The following DPPA2 variants were observed in gnomAD, a reference collection of about 807,000 sequenced individuals.
The protein encoded by DPPA2 is developmental pluripotency-associated protein 2.
DPPA2 carries 26 observed loss-of-function variants against 36.2 expected under a neutral mutation model. The observed-to-expected ratio is 0.72, with a 90% confidence interval of 0.53 to 1.00. DPPA2 has a LOEUF of 1.00. Ranked by LOEUF, DPPA2 falls within the 50% of genes least tolerant of loss-of-function variation. The pLI, the probability that DPPA2 is intolerant of heterozygous loss-of-function variation, is 0.00. For synonymous variants in DPPA2, 113 were observed against 123.2 expected, an observed-to-expected ratio of 0.92 and a Z score of 0.55; for missense variants, 361 against 365.1, an observed-to-expected ratio of 0.99 and a Z score of 0.09.
intron 8 of DPPA2, among the ~76,000 whole-genome samples, chr3:109,296,150 T>C (rs1169608791): frequency 6.6e-6 from 1 of 151,996 alleles, no homozygotes; most frequent in African/African-American, 2.4e-5. Context: ...CCAAAATTAA[T>C]GACATACAAA....
chr3:109,307,253 G>A (rs1036761270), intron 6 of DPPA2, among the ~76,000 whole-genome samples: 1 of 151,962 alleles, frequency 6.6e-6, no homozygotes, highest in African/African-American at 2.4e-5. Flanking sequence ...ACAGGCATGA[G>A]CCACCAAGCT....
intron 5 of DPPA2, 132 bp downstream of exon 5, chr3:109,308,894 C>A: frequency 8.8e-7 from 1 of 1,139,006 alleles, no homozygotes; most frequent in East Asian, 2.4e-5. Context: ...TTATTTGTTC[C>A]GAAATATCAA....
chr3:109,300,737 GTTT>G (rs1707442916), intron 7 of DPPA2, among the ~76,000 whole-genome samples: 1 of 73,532 alleles, frequency 1.4e-5, no homozygotes. Flanking sequence ...CCGGATAATT[GTTT>G]GAGTATGGGA....
In DPPA2 at chr3:109,311,119, T is replaced by A. The variant is rs577564842; in HGVS notation, c.181+1426A>T. Among the ~76,000 whole-genome samples, 43 of 152,280 alleles carry A rather than the reference T, an allele frequency of 2.8e-4. 2 individuals carry two copies. In the South Asian group the frequency reaches 8.9e-3, roughly 32 times the overall value. On this transcript the variant is annotated intron_variant, in intron 3 of 8. Transcript: ENST00000478945. ...GTCCGGCCTCAAACCTATGTTTGGATTCTAAAATCCACGTTTCTTTTATGC... is the reference window on the plus strand; with the variant it reads ...GTCCGGCCTCAAACCTATGTTTGGAATCTAAAATCCACGTTTCTTTTATGC...
chr3:109,307,919 TA>T, intron 6 of DPPA2, 112 bp downstream of exon 6: 1 of 1,355,426 alleles, frequency 7.4e-7, no homozygotes, highest in Non-Finnish European at 9.9e-7. Flanking sequence ...ATCCAATTTC[TA>T]ATCTTCAGAT....
chr3:109,312,725 T>C, intron 2 of DPPA2, 33 bp from the exon 3 acceptor site: 3 of 1,611,108 alleles, frequency 1.9e-6, no homozygotes, highest in Non-Finnish European at 1.7e-6. Flanking sequence ...GATTTTCATT[T>C]GATGCGGTAC....
intron 8 of DPPA2, among the ~76,000 whole-genome samples, chr3:109,298,321 C>A (rs949606759): frequency 1.3e-5 from 2 of 152,084 alleles, no homozygotes; most frequent in Non-Finnish European, 2.9e-5. Context: ...GAGGCTCACA[C>A]CTGTAATCCC....
intron 7 of DPPA2, among the ~76,000 whole-genome samples, chr3:109,302,313 C>T (rs777520448): frequency 2.0e-5 from 3 of 152,210 alleles, no homozygotes; most frequent in Admixed American, 6.5e-5. Flanking sequence ...ACTTCTAAGA[C>T]AGCATCTTGC....
intron 2 of DPPA2, 105 bp from the exon 3 acceptor site, chr3:109,312,797 G>A: frequency 1.5e-6 from 2 of 1,342,356 alleles, no homozygotes; most frequent in South Asian, 1.5e-5. Flanking sequence ...ACAGTAGGTG[G>A]ATGGAGAAAA....
chr3:109,313,132 C>A (rs1433768835), intron 2 of DPPA2, among the ~76,000 whole-genome samples: 1 of 152,190 alleles, frequency 6.6e-6, no homozygotes, highest in Non-Finnish European at 1.5e-5. Flanking sequence ...TCCCCAAATC[C>A]ACTGTAACTC....
At chr3:109,300,544 G>C in intron 7 of DPPA2, 109 bp from the exon 8 acceptor site, 1 of 1,074,908 alleles carries the variant, frequency 9.3e-7, no homozygotes, top group Non-Finnish European at 1.4e-6. Flanking sequence ...CTTCTGGGCC[G>C]GGTGTGGTGG....
At chr3:109,299,681 C>T (rs374698576) in intron 8 of DPPA2, among the ~76,000 whole-genome samples, 8 of 135,698 alleles carry the variant, frequency 5.9e-5, no homozygotes, top group South Asian at 2.3e-4. Flanking sequence ...AATGAGACCC[C>T]GTCTCAAAAA....
rs774217685 is a variant in DPPA2, at chr3:109,309,312, T to C, written c.200A>G (p.Asn67Ser). The change falls in exon 4 of 9, where the codon AAT becomes AGT. Residue 67 changes from asparagine (N) to serine (S), a missense_variant. Asn to Ser is a conservative substitution (Grantham distance 46). Coordinates refer to ENST00000478945, the MANE Select transcript of DPPA2 (RefSeq NM_138815.4). ...KYNPGHLLQT[N>S]EQFTAPQKAR... ...TTTTTGTGGAGCTGTAAATTGCTCA[T>C]TTGTTTGAAGTAGATGACCTAAGAC... The C allele has an allele frequency of 9.9e-6, 16 of 1,613,976 alleles. No individual in the cohort carries two copies. The highest frequency in any genetic ancestry group is 1.3e-5 in the Non-Finnish European group (15 of 1,179,968).
chr3:109,299,387 G>A (rs1004859626), intron 8 of DPPA2, among the ~76,000 whole-genome samples: 1 of 152,018 alleles, frequency 6.6e-6, no homozygotes. Flanking sequence ...GCACATGCCT[G>A]TAATCCCAGC....
intron 5 of DPPA2, 22 bp downstream of exon 5, chr3:109,309,004 C>T (rs760349846): frequency 6.2e-7 from 1 of 1,614,090 alleles, no homozygotes; most frequent in East Asian, 2.2e-5. Context: ...ACCTTCACAC[C>T]ATCAACACAC....
intron 8 of DPPA2, among the ~76,000 whole-genome samples, chr3:109,294,787 A>G (rs4855718): frequency 0.96 from 146,659 of 152,304 alleles, 70,805 homozygotes; most frequent in East Asian, 1. Context: ...ACTTTGGGAA[A>G]CCGAGGTGGG....
At chr3:109,313,993 C>A (rs1707750487) in intron 2 of DPPA2, among the ~76,000 whole-genome samples, 2 of 152,124 alleles carry the variant, frequency 1.3e-5, no homozygotes, top group African/African-American at 4.8e-5. Flanking sequence ...CAGGACTACC[C>A]AAGCCTAATC....
At chr3:109,307,980 A>G in intron 6 of DPPA2, 52 bp downstream of exon 6, 1 of 1,574,392 alleles carries the variant, frequency 6.4e-7, no homozygotes, top group East Asian at 2.3e-5. Flanking sequence ...TGGACTAATA[A>G]AAGTTAACCT....
At chr3:109,304,450 G>T (rs757239140) in intron 7 of DPPA2, 25 bp downstream of exon 7, 1 of 1,577,094 alleles carries the variant, frequency 6.3e-7, no homozygotes, top group Non-Finnish European at 8.6e-7. Context: ...TGTGTGCCAT[G>T]CTTAACAAGA....
Sources: gnomAD v4.1 joint callset for allele counts (sites outside exome capture counted in the v4.1 genomes callset) on GRCh38, gnomAD v4.1.1 for gene constraint, MANE v1.5 for transcripts, NCBI Gene and HGNC (gene_info 2026-07-23, HGNC 2026-07-21) for gene names.